SYN2: variants seen among roughly 807,000 people sequenced by gnomAD.
SYN2 encodes the protein synapsin II.
A neutral mutation model predicts 50.9 loss-of-function variants in SYN2; 19 were observed. That is an observed-to-expected ratio of 0.37 (90% CI 0.26 to 0.55). The LOEUF (loss-of-function observed/expected upper bound fraction) is 0.55. Ranked by LOEUF, SYN2 falls within the 20% of genes least tolerant of loss-of-function variation. SYN2 has a pLI of 0.81. For synonymous variants in SYN2, 255 were observed against 224.9 expected, an observed-to-expected ratio of 1.13 and a Z score of -1.20; for missense variants, 587 against 576.4, an observed-to-expected ratio of 1.02 and a Z score of -0.19.
chr3:12,059,317 T>C (rs1455212837), intron 1 of SYN2, among the ~76,000 whole-genome samples: 1 of 152,182 alleles, frequency 6.6e-6, no homozygotes, highest in African/African-American at 2.4e-5. Flanking sequence ...GGGTGGGACA[T>C]CTTGAAGCAG....
chr3:12,170,790 T>C (rs1206708058), intron 10 of SYN2, among the ~76,000 whole-genome samples: 1 of 152,224 alleles, frequency 6.6e-6, no homozygotes, highest in African/African-American at 2.4e-5. Flanking sequence ...CGGCTATCTT[T>C]CCATCAAAAT....
At chr3:12,163,680 AT>A (rs996741151) in intron 7 of SYN2, among the ~76,000 whole-genome samples, 2 of 151,930 alleles carry the variant, frequency 1.3e-5, no homozygotes, top group African/African-American at 4.8e-5. Context: ...GAGGCATAGA[AT>A]TTTTTTTTAC....
intron 1 of SYN2, among the ~76,000 whole-genome samples, chr3:12,074,638 T>G (rs1559409539): frequency 6.6e-6 from 1 of 152,154 alleles, no homozygotes; most frequent in African/African-American, 2.4e-5. Flanking sequence ...TTTGTTCTTT[T>G]TTGTTGTTCT....
chr3:12,151,375 A>G, intron 5 of SYN2, 49 bp downstream of exon 5: 2 of 1,470,608 alleles, frequency 1.4e-6, no homozygotes, highest in Admixed American at 1.8e-5. Flanking sequence ...TTCATTTTGC[A>G]CTTAGCCACC....
At chr3:12,123,596 C>T (rs866160401) in intron 1 of SYN2, among the ~76,000 whole-genome samples, 1 of 152,080 alleles carries the variant, frequency 6.6e-6, no homozygotes, top group Non-Finnish European at 1.5e-5. Context: ...TAGTGAGACC[C>T]TGTGTCTAAA....
chr3:12,190,957 C>G lies in SYN2; in HGVS notation c.*332C>G. On this transcript the variant is annotated 3_prime_UTR_variant, in exon 13 of 13. Transcript: ENST00000621198. Reference sequence around the variant, plus strand: ...CATGTCTTATTCTTCCCTGTGAAACCAGGATTAATCGTGGACTCCTGGCAG... The same window carrying G: ...CATGTCTTATTCTTCCCTGTGAAACGAGGATTAATCGTGGACTCCTGGCAG... 9.5e-7 allele frequency: 1 copy of G among 1,054,896 alleles called. No individual in the cohort carries two copies. Among genetic ancestry groups the G allele is most frequent in the South Asian group, 3.4e-5 (1 of 29,520 alleles). 65.3% of individuals were successfully genotyped at this position (1,054,896 alleles called of 1,614,324 possible).
At chr3:12,085,571 A>C (rs1695684947) in intron 1 of SYN2, among the ~76,000 whole-genome samples, 2 of 152,184 alleles carry the variant, frequency 1.3e-5, no homozygotes, top group Admixed American at 1.3e-4. Flanking sequence ...TTTTCCAACT[A>C]CAGTGGTATG....
At chr3:12,051,015 G>A (rs955480933) in intron 1 of SYN2, among the ~76,000 whole-genome samples, 4 of 151,936 alleles carry the variant, frequency 2.6e-5, no homozygotes, top group Admixed American at 6.5e-5. Context: ...GATTACAGGC[G>A]TGAGCCACCG....
At chr3:12,137,125 G>A (rs921416907) in intron 1 of SYN2, among the ~76,000 whole-genome samples, 2 of 151,960 alleles carry the variant, frequency 1.3e-5, no homozygotes, top group Non-Finnish European at 2.9e-5. Context: ...GCATGTGCCT[G>A]TAGTTCCAGT....
chr3:12,043,836 C>T (rs932241317), intron 1 of SYN2, among the ~76,000 whole-genome samples: 4 of 152,192 alleles, frequency 2.6e-5, no homozygotes, highest in African/African-American at 9.7e-5. Flanking sequence ...AAATCTCCAT[C>T]ATGAAACTTC....
chr3:12,074,517 T>C (rs1465852273), intron 1 of SYN2, among the ~76,000 whole-genome samples: 7 of 152,202 alleles, frequency 4.6e-5, no homozygotes, highest in Admixed American at 4.6e-4. Context: ...TGCAGTTGAC[T>C]TAAAGTCCAA....
At chr3:12,053,761 A>C (rs1694924305) in intron 1 of SYN2, among the ~76,000 whole-genome samples, 1 of 152,158 alleles carries the variant, frequency 6.6e-6, no homozygotes, top group African/African-American at 2.4e-5. Context: ...ACCTCAATTA[A>C]AATTTTTGTA....
At chr3:12,008,127 T>G (rs2618386) in intron 1 of SYN2, among the ~76,000 whole-genome samples, 29,425 of 152,162 alleles carry the variant, frequency 0.19, 5,419 homozygotes, top group African/African-American at 0.49. Context: ...TTGTTTCTTC[T>G]GTGTGTTATA....
At chr3:12,139,838 T>C in intron 1 of SYN2, among the ~76,000 whole-genome samples, 1 of 152,156 alleles carries the variant, frequency 6.6e-6, no homozygotes, top group South Asian at 2.1e-4. Flanking sequence ...GGAAATCTAA[T>C]GTGGGGAGGG....
intron 1 of SYN2, among the ~76,000 whole-genome samples, chr3:12,109,856 A>G (rs1024466003): frequency 7.2e-5 from 11 of 152,210 alleles, no homozygotes; most frequent in Non-Finnish European, 1.5e-4. Context: ...TAAGTAACCT[A>G]AGACAAGTTT....
At chr3:12,034,752 A>G (rs990575041) in intron 1 of SYN2, among the ~76,000 whole-genome samples, 4 of 152,214 alleles carry the variant, frequency 2.6e-5, no homozygotes, top group Non-Finnish European at 5.9e-5. Context: ...CATTAGGCCC[A>G]CCTCATAACA....
At chr3:12,087,951 A>T (rs1695744968) in intron 1 of SYN2, among the ~76,000 whole-genome samples, 1 of 152,160 alleles carries the variant, frequency 6.6e-6, no homozygotes, top group South Asian at 2.1e-4. Context: ...ATTAAAACAT[A>T]AGACCTGAAA....
At chr3:12,012,369 C>T (rs796536614) in intron 1 of SYN2, among the ~76,000 whole-genome samples, 2 of 152,256 alleles carry the variant, frequency 1.3e-5, no homozygotes, top group African/African-American at 4.8e-5. Context: ...AAAGGTAGTG[C>T]TTGTATTTGT....
rs372955329 is a variant in SYN2, at chr3:12,021,311, A to C, written c.377+16383A>C. ...GCAATATCTGAAAAGATTCTATGAAAGGTTTTTTTCTATTATATTTGCAGT... is the reference window on the plus strand; with the variant it reads ...GCAATATCTGAAAAGATTCTATGAACGGTTTTTTTCTATTATATTTGCAGT... On this transcript the variant is annotated intron_variant, in intron 1 of 12. Coordinates refer to ENST00000621198, the MANE Select transcript of SYN2 (RefSeq NM_133625.6). Among the ~76,000 whole-genome samples the C allele has an allele frequency of 1.2e-4, 18 of 152,322 alleles. No homozygotes were observed. In the East Asian group the frequency reaches 2.9e-3, roughly 24 times the overall value.
Sources: gnomAD v4.1 joint callset for allele counts (sites outside exome capture counted in the v4.1 genomes callset) on GRCh38, gnomAD v4.1.1 for gene constraint, MANE v1.5 for transcripts, NCBI Gene and HGNC (gene_info 2026-07-23, HGNC 2026-07-21) for gene names.